Variants in ZFHX3 observed in about 807,000 individuals in gnomAD.
ZFHX3 encodes zinc finger homeobox 3.
A neutral mutation model predicts 279.1 loss-of-function variants in ZFHX3; 42 were observed. That is an observed-to-expected ratio of 0.15 (90% CI 0.12 to 0.19). The LOEUF (loss-of-function observed/expected upper bound fraction) is 0.19. ZFHX3 is among the 10% of genes least tolerant of loss of function. ZFHX3 has a pLI of 1.00. For synonymous variants in ZFHX3, 2,293 were observed against 1,957.8 expected (o/e 1.17, Z -4.52); for missense variants, 4,981 against 4,754.0 (o/e 1.05, Z -1.40).
intron 1 of ZFHX3, among the ~76,000 whole-genome samples, chr16:73,718,553 C>T (rs565993046): frequency 6.6e-6 from 1 of 152,198 alleles, no homozygotes; most frequent in Non-Finnish European, 1.5e-5. Context: ...TCACATGGTG[C>T]TACCTTACAC....
At chr16:73,003,574 C>T (rs1167521362) in intron 1 of ZFHX3, among the ~76,000 whole-genome samples, 1 of 135,084 alleles carries the variant, frequency 7.4e-6, no homozygotes. Flanking sequence ...GGAGTGATGG[C>T]GGGCGCCTGT....
intron 2 of ZFHX3, among the ~76,000 whole-genome samples, chr16:73,553,470 T>C (rs554773273): frequency 8.7e-4 from 132 of 152,218 alleles, no homozygotes; most frequent in Admixed American, 1.6e-3. Flanking sequence ...CCCTTCTCCA[T>C]CTAAAAGGTG....
In ZFHX3 at chr16:73,869,798, A is replaced by G. The variant is rs116620173; in HGVS notation, c.-1608+21853T>C. ...AACCAAAAGGAACTTCATAATGTTT[A>G]ACCGGGCTTCCTGTTTATTTAGAGG... On this transcript the variant is annotated intron_variant, in intron 1 of 17. Coordinates refer to the ZFHX3 transcript ENST00000641206. 5.6e-3 allele frequency among the ~76,000 whole-genome samples: 858 copies of G among 152,346 alleles called. 5 individuals are homozygous for G. The highest frequency in any genetic ancestry group is 0.019 in the African/African-American group (796 of 41,574).
At chr16:73,817,627 T>C (rs987211680) in intron 1 of ZFHX3, among the ~76,000 whole-genome samples, 1 of 152,184 alleles carries the variant, frequency 6.6e-6, no homozygotes, top group African/African-American at 2.4e-5. Flanking sequence ...CTTGGCTCCT[T>C]TGCAAACAAA....
At position 72,785,081 on chromosome 16, in the gene ZFHX3, AG is replaced by A. The variant is rs2035304158; in HGVS notation, c.*2082del. Reference sequence around the variant, plus strand: ...TTTTGAAACATAAGGAAGAAAACGAAGGGAAGAAGGATTTCACACTTTGGGG... The same window carrying A: ...TTTTGAAACATAAGGAAGAAAACGAAGGAAGAAGGATTTCACACTTTGGGG... On this transcript the variant is annotated 3_prime_UTR_variant, in exon 10 of 10. Coordinates refer to ENST00000268489, the MANE Select transcript of ZFHX3 (RefSeq NM_006885.4). 6.6e-6 allele frequency: 1 copy of A among 152,650 alleles called. No homozygotes were observed. The highest frequency in any genetic ancestry group is 1.5e-5 in the Non-Finnish European group (1 of 68,050). The allele number at this position is 152,650 out of a possible 1,614,324, so 9.5% of individuals were successfully genotyped here.
chr16:72,875,377 A>G (rs1375239442), intron 4 of ZFHX3, among the ~76,000 whole-genome samples: 1 of 152,220 alleles, frequency 6.6e-6, no homozygotes, highest in Non-Finnish European at 1.5e-5. Context: ...TGCAGATCCA[A>G]CACAGCTCCT....
intron 2 of ZFHX3, among the ~76,000 whole-genome samples, chr16:72,955,632 G>C (rs1597011014): frequency 1.3e-5 from 2 of 152,158 alleles, no homozygotes; most frequent in Admixed American, 1.3e-4. Flanking sequence ...CACAAAATTA[G>C]CCAGGCATGG....
At chr16:73,802,195 A>T (rs1960166071) in intron 1 of ZFHX3, among the ~76,000 whole-genome samples, 1 of 152,008 alleles carries the variant, frequency 6.6e-6, no homozygotes, top group South Asian at 2.1e-4. Flanking sequence ...TCTTCATAAA[A>T]CCCCACTCCC....
intron 3 of ZFHX3, among the ~76,000 whole-genome samples, chr16:72,927,236 T>C (rs767874000): frequency 2.6e-5 from 4 of 152,252 alleles, no homozygotes; most frequent in African/African-American, 4.8e-5. Context: ...TAAAAAATTT[T>C]TATTTAAATT....
At chr16:72,800,202 T>TA (rs112390061) in intron 7 of ZFHX3, 73 bp from the exon 8 acceptor site, 1 of 1,342,716 alleles carries the variant, frequency 7.4e-7, no homozygotes, top group African/African-American at 1.4e-5. Context: ...AAAAATTATT[T>TA]AATAAGCAAA....
chr16:72,919,612 A>G (rs1188076466), intron 3 of ZFHX3, among the ~76,000 whole-genome samples: 1 of 151,952 alleles, frequency 6.6e-6, no homozygotes. Context: ...ATCACATTCT[A>G]TCACTAATGT....
intron 1 of ZFHX3, among the ~76,000 whole-genome samples, chr16:73,849,281 A>G (rs561631842): frequency 5.9e-5 from 9 of 152,354 alleles, no homozygotes; most frequent in African/African-American, 2.2e-4. Context: ...CAAGACCTGT[A>G]GTCATGCAGT....
chr16:73,319,298 C>T (rs984820047), intron 3 of ZFHX3, among the ~76,000 whole-genome samples: 2 of 152,004 alleles, frequency 1.3e-5, no homozygotes, highest in East Asian at 1.9e-4. Context: ...GGCAGGCAGA[C>T]GAGATACATG....
At chr16:73,170,294 G>A (rs1357840338) in intron 5 of ZFHX3, among the ~76,000 whole-genome samples, 2 of 122,314 alleles carry the variant, frequency 1.6e-5, no homozygotes, top group South Asian at 2.8e-4. Flanking sequence ...GCAGTGCCAC[G>A]ATCTCGGCTC....
chr16:73,425,641 T>A (rs57542176), intron 3 of ZFHX3, among the ~76,000 whole-genome samples: 6,310 of 152,044 alleles, frequency 0.042, 428 homozygotes, highest in African/African-American at 0.14. Flanking sequence ...GTATGGCAGA[T>A]GGGTCGAGCT....
chr16:73,533,635 GAATTTTT>G lies in ZFHX3; in HGVS notation c.-1546-77384_-1546-77378del, dbSNP rs148094055. 2.0e-3 allele frequency among the ~76,000 whole-genome samples: 310 copies of G among 152,158 alleles called. 6 individuals carry two copies. Among genetic ancestry groups the G allele is most frequent in the African/African-American group, 7.2e-3 (299 of 41,486 alleles). On this transcript the variant is annotated intron_variant, in intron 2 of 17. Coordinates refer to the ZFHX3 transcript ENST00000641206. ...AATGGGCTAATCAGCATCTTCACTT[GAATTTTT>G]AATAGACCTCTGAAAATCAATTAAG...
Position 72,788,063 on chromosome 16 carries a change from G to A in ZFHX3, c.10213C>T (p.Pro3405Ser), listed in dbSNP as rs140577707. ...TCTTTGTCTGGGGAAGGAGCCCCGG[G>A]GGGGACTGGGGTTTGGCTTGCTTTG... ...QPKASQTPVP[P>S]GAPSPDKDPA... is the part of the protein sequence containing the mutation. The change falls in exon 10 of 10, where the codon CCC becomes TCC. Residue 3405 changes from proline (P) to serine (S), a missense_variant. Around this residue, in one of 7 missense-constraint regions of ZFHX3, gnomAD observed 1,034 missense variants for 786.0 expected, o/e 1.32. Transcript: ENST00000268489. The A allele has an allele frequency of 1.2e-6, 2 of 1,611,816 alleles. No individual in the cohort carries two copies. The highest frequency in any genetic ancestry group is 1.7e-6 in the Non-Finnish European group (2 of 1,179,822).
At chr16:73,853,641 C>T (rs1159306533) in intron 1 of ZFHX3, among the ~76,000 whole-genome samples, 1 of 151,962 alleles carries the variant, frequency 6.6e-6, no homozygotes, top group Non-Finnish European at 1.5e-5. Flanking sequence ...GTACAATGAA[C>T]ATAAAGATGG....
At chr16:73,005,151 G>A (rs1199290189) in intron 1 of ZFHX3, among the ~76,000 whole-genome samples, 1 of 152,178 alleles carries the variant, frequency 6.6e-6, no homozygotes, top group African/African-American at 2.4e-5. Flanking sequence ...TATTAGTAAT[G>A]TATTAGTAGT....
Sources: gnomAD v4.1 joint callset for allele counts (sites outside exome capture counted in the v4.1 genomes callset) on GRCh38, gnomAD v4.1.1 for gene constraint, gnomAD v4.1.1 regional missense constraint, MANE v1.5 for transcripts, NCBI Gene and HGNC (gene_info 2026-07-23, HGNC 2026-07-21) for gene names.